SAMTOR: variants seen among roughly 807,000 people sequenced by gnomAD.
The protein encoded by SAMTOR is UPF0532 protein C7orf60.
the SAMTOR span, among the ~76,000 whole-genome samples, chr7:112,921,612 T>C: frequency 1.4e-5 from 2 of 145,328 alleles, no homozygotes; most frequent in African/African-American, 2.6e-5. Flanking sequence ...CTAATTAAAC[T>C]AAAGAGCTTC....
At chr7:112,890,983 C>T in the SAMTOR span, among the ~76,000 whole-genome samples, 1 of 152,020 alleles carries the variant, frequency 6.6e-6, no homozygotes, top group Non-Finnish European at 1.5e-5. Flanking sequence ...AGCCAATGTG[C>T]CCAGCCATAA....
chr7:112,939,345 G>A, the SAMTOR span: 7 of 579,370 alleles, frequency 1.2e-5, no homozygotes, highest in Non-Finnish European at 1.2e-5. Flanking sequence ...GCTTGGAGGG[G>A]GTGGGGACTC....
the SAMTOR span, among the ~76,000 whole-genome samples, chr7:112,906,852 G>A: frequency 2.0e-5 from 3 of 152,272 alleles, no homozygotes; most frequent in South Asian, 4.2e-4. Context: ...TTATAGGCAT[G>A]AGCCACCATG....
At chr7:112,851,109 T>C in the SAMTOR span, among the ~76,000 whole-genome samples, 4 of 152,326 alleles carry the variant, frequency 2.6e-5, no homozygotes, top group East Asian at 5.8e-4. Context: ...CCCATGCTTA[T>C]GGATTGGAAG....
At chr7:112,842,282 C>G in the SAMTOR span, among the ~76,000 whole-genome samples, 5 of 152,066 alleles carry the variant, frequency 3.3e-5, no homozygotes, top group African/African-American at 1.2e-4. Flanking sequence ...TCTATGGTTT[C>G]AACCTGTTCA....
At chr7:112,823,065 C>G in the SAMTOR span, among the ~76,000 whole-genome samples, 1 of 151,960 alleles carries the variant, frequency 6.6e-6, no homozygotes, top group Non-Finnish European at 1.5e-5. Flanking sequence ...TAAAATTAGA[C>G]AAAAATAACT....
chr7:112,908,675 A>G, the SAMTOR span, among the ~76,000 whole-genome samples: 1 of 152,202 alleles, frequency 6.6e-6, no homozygotes, highest in Non-Finnish European at 1.5e-5. Context: ...GGATATATGT[A>G]CATATGCATA....
At chr7:112,894,243 C>T in the SAMTOR span, among the ~76,000 whole-genome samples, 42 of 151,740 alleles carry the variant, frequency 2.8e-4, 1 homozygote, top group South Asian at 2.1e-4. Flanking sequence ...ACAGTGGATC[C>T]GTGGAGCAGT....
chr7:112,923,270 T>C, the SAMTOR span, among the ~76,000 whole-genome samples: 1 of 152,040 alleles, frequency 6.6e-6, no homozygotes, highest in Non-Finnish European at 1.5e-5. Flanking sequence ...AAACAGATGC[T>C]TGAAGGCAGC....
At chr7:112,894,836 G>A in the SAMTOR span, among the ~76,000 whole-genome samples, 8 of 152,214 alleles carry the variant, frequency 5.3e-5, no homozygotes, top group Non-Finnish European at 1.0e-4. Flanking sequence ...CATGCTATTG[G>A]GAAAATGGTG....
At chr7:112,924,403 A>T in the SAMTOR span, among the ~76,000 whole-genome samples, 1 of 152,126 alleles carries the variant, frequency 6.6e-6, no homozygotes, top group African/African-American at 2.4e-5. Context: ...GTTACTGGGT[A>T]TTTTAGGGTC....
the SAMTOR span, among the ~76,000 whole-genome samples, chr7:112,858,480 AGAAT>A: frequency 2.6e-5 from 4 of 152,020 alleles, no homozygotes; most frequent in East Asian, 5.8e-4. Flanking sequence ...AAATCATTAC[AGAAT>A]ATTTTTTAAA....
the SAMTOR span, among the ~76,000 whole-genome samples, chr7:112,903,648 C>T: frequency 6.6e-6 from 1 of 152,052 alleles, no homozygotes. Context: ...AACTGACTCT[C>T]AAAAGGTTCA....
At chr7:112,859,111 T>G in the SAMTOR span, among the ~76,000 whole-genome samples, 3 of 152,204 alleles carry the variant, frequency 2.0e-5, no homozygotes, top group Non-Finnish European at 4.4e-5. Context: ...AGCCTCCAGA[T>G]TCAAGCTGCA....
chr7:112,852,396 C>G, the SAMTOR span, among the ~76,000 whole-genome samples: 1 of 151,900 alleles, frequency 6.6e-6, no homozygotes, highest in Non-Finnish European at 1.5e-5. Context: ...GGGAGCTAAG[C>G]AATGTGACAA....
At chr7:112,886,117 T>A in the SAMTOR span, among the ~76,000 whole-genome samples, 1 of 152,096 alleles carries the variant, frequency 6.6e-6, no homozygotes, top group Non-Finnish European at 1.5e-5. Context: ...CTTGGTATCA[T>A]GAGAACAACG....
chr7:112,872,980 C>T, the SAMTOR span, among the ~76,000 whole-genome samples: 1 of 151,326 alleles, frequency 6.6e-6, no homozygotes, highest in African/African-American at 2.4e-5. Flanking sequence ...CACACACACA[C>T]AAATACCTAG....
chr7:112,860,794 C>A, the SAMTOR span, among the ~76,000 whole-genome samples: 1 of 151,630 alleles, frequency 6.6e-6, no homozygotes, highest in Non-Finnish European at 1.5e-5. Context: ...CGCTTGTAGT[C>A]CCAGCTACTC....
chr7:112,827,390 A>T, the SAMTOR span, among the ~76,000 whole-genome samples: 5 of 152,028 alleles, frequency 3.3e-5, no homozygotes, highest in South Asian at 4.2e-4. Flanking sequence ...AATTAACTAA[A>T]TTTTTTATGA....
Sources: allele counts gnomAD v4.1 joint callset (sites outside exome capture counted in the v4.1 genomes callset), GRCh38; gene constraint gnomAD v4.1.1; transcripts MANE v1.5; gene names NCBI Gene and HGNC (gene_info 2026-07-23, HGNC 2026-07-21).